The following LDHA variants were observed in gnomAD, a reference collection of about 807,000 sequenced individuals.
LDHA encodes the protein lactate dehydrogenase A, also known as L-lactate dehydrogenase A chain.
Under a neutral mutation model 36.3 loss-of-function variants are expected in LDHA, and 10 were observed. That is an observed-to-expected ratio of 0.28 (90% CI 0.17 to 0.47). LDHA has a LOEUF of 0.47. Among genes scored for constraint, LDHA ranks in the 20% least tolerant of loss-of-function variants. The pLI is 0.99. For missense variants in LDHA, 267 were observed against 405.8 expected, an observed-to-expected ratio of 0.66 and a Z score of 2.94; for synonymous variants, 110 against 136.7, an observed-to-expected ratio of 0.80 and a Z score of 1.36.
intron 1 of LDHA, 59 bp downstream of exon 1, chr11:18,394,695 T>A: frequency 2.2e-6 from 1 of 452,206 alleles, no homozygotes; most frequent in South Asian, 1.6e-5. Flanking sequence ...GCCAACTGCC[T>A]CTGGTTCTGC....
At chr11:18,404,526 T>C (rs1311938348) in intron 6 of LDHA, among the ~76,000 whole-genome samples, 2 of 152,164 alleles carry the variant, frequency 1.3e-5, no homozygotes, top group East Asian at 3.9e-4. Flanking sequence ...AAATGAATCA[T>C]AGCCGGGCAT....
intron 2 of LDHA, chr11:18,399,221 C>T: frequency 3.8e-6 from 2 of 524,904 alleles, no homozygotes; most frequent in South Asian, 4.1e-5. Flanking sequence ...AGTGGGGAGA[C>T]AGGGCTGGAG....
rs145530692 is a variant in LDHA at position 18,397,329 on chromosome 11, G to A, written c.126+361G>A. On this transcript the variant is annotated intron_variant, in intron 2 of 7. Coordinates refer to ENST00000422447, the MANE Select transcript of LDHA (RefSeq NM_005566.4). ...ACAATTCAAAAATTGTCATTTATTGGTAAAATTATATGGGAAATCATAAGT... is the reference window on the plus strand; with the variant it reads ...ACAATTCAAAAATTGTCATTTATTGATAAAATTATATGGGAAATCATAAGT... 52 of 170,398 alleles carry A rather than the reference G, an allele frequency of 3.1e-4. 1 individual carries two copies. Among genetic ancestry groups the A allele is most frequent in the African/African-American group, 1.1e-3 (45 of 42,096 alleles). The allele number at this position is 170,398 out of a possible 1,614,324, so 10.6% of individuals were successfully genotyped here.
At chr11:18,398,847 C>T (rs1385653436) in intron 2 of LDHA, 1 of 160,322 alleles carries the variant, frequency 6.2e-6, no homozygotes, top group Non-Finnish European at 1.4e-5. Flanking sequence ...ATCTCCTGAC[C>T]TCGTGATCCG....
At chr11:18,403,861 T>G (rs1199068325) in intron 6 of LDHA, 50 bp downstream of exon 6, 1 of 1,064,040 alleles carries the variant, frequency 9.4e-7, no homozygotes, top group Non-Finnish European at 1.5e-6. Context: ...TTTACTATTT[T>G]TATTTAAAAG....
At chr11:18,400,305 G>A (rs1866434883) in intron 3 of LDHA, 1 of 210,998 alleles carries the variant, frequency 4.7e-6, no homozygotes, top group Non-Finnish European at 9.7e-6. Context: ...TGGCCACCTT[G>A]CTGATGGGCA....
At chr11:18,399,811 T>C (rs1866418363) in intron 3 of LDHA, 1 of 410,182 alleles carries the variant, frequency 2.4e-6, no homozygotes, top group Non-Finnish European at 4.6e-6. Flanking sequence ...CCCAGGCCTG[T>C]CTTGAACCAC....
chr11:18,407,941 C>T lies in LDHA; in HGVS notation c.*660C>T, dbSNP rs765180823. On this transcript the variant is annotated 3_prime_UTR_variant, in exon 8 of 8. Transcript: ENST00000422447. ...AATATTAGGCTATTCTTGGGCAACC[C>T]TGCAACGATTTTTTCTAACAGGGAT... The T allele has an allele frequency of 2.1e-4, 95 of 453,912 alleles. No individual in the cohort carries two copies. Among genetic ancestry groups the T allele is most frequent in the Non-Finnish European group, 3.5e-5 (8 of 226,794 alleles). The allele number at this position is 453,912 out of a possible 1,614,324, so 28.1% of individuals were successfully genotyped here. A position where few individuals can be genotyped will look rare whatever the true frequency, so the allele number is the denominator to read the frequency against.
intron 7 of LDHA, chr11:18,405,880 G>A: frequency 9.2e-6 from 3 of 325,816 alleles, no homozygotes; most frequent in South Asian, 8.6e-5. Context: ...TTATATTCAA[G>A]TTAGCATTAT....
chr11:18,402,707 A>G lies in LDHA; in HGVS notation c.419-133A>G, dbSNP rs1590215095. 6.8e-6 allele frequency: 5 copies of G among 738,232 alleles called. No homozygotes were observed. In the East Asian group the frequency reaches 1.3e-4, roughly 19 times the overall value. The allele number at this position is 738,232 out of a possible 1,614,324, so 45.7% of individuals were successfully genotyped here. On this transcript the variant is annotated intron_variant, in intron 4 of 7. Transcript: ENST00000422447. ...ATCAATATCAAGATCCTGAAAAGCC[A>G]TATATCTGGAGTAGCCTATTATTAT...
rs6144241 is a variant in LDHA at position 18,400,429 on chromosome 11, CCACACACACACACACA to C, written c.245-370_245-355del. 2.4e-3 allele frequency: 684 copies of C among 287,418 alleles called. 1 individual carries two copies. Among genetic ancestry groups the C allele is most frequent in the Non-Finnish European group, 3.3e-3 (487 of 146,888 alleles). The allele number at this position is 287,418 out of a possible 1,614,324, so 17.8% of individuals were successfully genotyped here. The stretch of plus-strand genomic sequence containing the variant: ...AAAACAAGTCCCCCTACCACCACCA[CCACACACACACACACA>C]CACACACACACACACACACACACAC... On this transcript the variant is annotated intron_variant, in intron 3 of 7. Transcript: ENST00000422447.
At chr11:18,397,612 C>T (rs201514983) in intron 2 of LDHA, among the ~76,000 whole-genome samples, 1 of 152,052 alleles carries the variant, frequency 6.6e-6, no homozygotes, top group East Asian at 1.9e-4. Flanking sequence ...GAGATGGAGA[C>T]CATCCTGGCT....
chr11:18,401,319 T>G (rs1866487093), intron 4 of LDHA, among the ~76,000 whole-genome samples: 1 of 150,490 alleles, frequency 6.6e-6, no homozygotes. Flanking sequence ...ATGGCTAATT[T>G]TTTATATTTT....
chr11:18,396,561 C>G (rs1452907923), intron 1 of LDHA: 1 of 1,365,368 alleles, frequency 7.3e-7, no homozygotes, highest in East Asian at 2.8e-5. Context: ...GGTGAACCCT[C>G]AGGAGGCTAT....
intron 3 of LDHA, chr11:18,400,382 A>G: frequency 4.3e-6 from 1 of 232,032 alleles, no homozygotes; most frequent in Admixed American, 5.8e-5. Flanking sequence ...ATGTTTGTTA[A>G]GTGTAAAGCT....
At chr11:18,396,047 T>TA (rs1384294445) in intron 1 of LDHA, among the ~76,000 whole-genome samples, 1 of 152,268 alleles carries the variant, frequency 6.6e-6, no homozygotes, top group Admixed American at 6.5e-5. Flanking sequence ...GGGCATTCAT[T>TA]AGGTCTGAAG....
chr11:18,396,989 C>T (rs1866327668), intron 2 of LDHA, 21 bp downstream of exon 2: 1 of 1,613,078 alleles, frequency 6.2e-7, no homozygotes, highest in Admixed American at 1.7e-5. Context: ...GTCTACCACA[C>T]TGGAAGCCCA....
chr11:18,405,802 C>G (rs1866661539), intron 7 of LDHA: 1 of 470,316 alleles, frequency 2.1e-6, no homozygotes, highest in Non-Finnish European at 3.9e-6. Context: ...AAGTCTTGTT[C>G]AATTATGCTG....
At chr11:18,405,297 A>G in intron 6 of LDHA, 152 bp from the exon 7 acceptor site, 1 of 766,588 alleles carries the variant, frequency 1.3e-6, no homozygotes, top group Non-Finnish European at 2.2e-6. Flanking sequence ...TGTACATAAT[A>G]TCCTAGCATA....
Sources: gnomAD v4.1 joint callset for allele counts (sites outside exome capture counted in the v4.1 genomes callset) on GRCh38, gnomAD v4.1.1 for gene constraint, MANE v1.5 for transcripts, NCBI Gene and HGNC (gene_info 2026-07-23, HGNC 2026-07-21) for gene names.